ACOXL: variants seen among roughly 807,000 people sequenced by gnomAD.
ACOXL encodes the protein acyl-CoA oxidase like, also known as acyl-coenzyme A oxidase-like protein.
In ACOXL, 70 loss-of-function variants were observed where a neutral mutation model predicts 71.9. That is an observed-to-expected ratio of 0.97 (90% confidence interval 0.80 to 1.19). The LOEUF (loss-of-function observed/expected upper bound fraction) is 1.19, where lower values mean the gene tolerates loss of function less well. Among genes scored for constraint, ACOXL ranks in the 50% most tolerant of loss-of-function variants. The pLI is 0.00. For synonymous variants in ACOXL, 253 were observed against 281.6 expected (o/e 0.90, Z 1.02); for missense variants, 703 against 736.3 (o/e 0.95, Z 0.52).
chr2:111,057,899 G>C (rs1004086311), intron 16 of ACOXL, among the ~76,000 whole-genome samples: 8 of 152,228 alleles, frequency 5.3e-5, no homozygotes, highest in African/African-American at 1.9e-4. Flanking sequence ...TACAAATCCT[G>C]GTGTTCAGAA....
intron 11 of ACOXL, among the ~76,000 whole-genome samples, chr2:110,909,315 A>T (rs556736558): frequency 2.6e-5 from 4 of 152,264 alleles, no homozygotes; most frequent in African/African-American, 9.6e-5. Context: ...TGGTGGGGGT[A>T]CAGGGGAGGC....
chr2:110,772,271 A>G (rs1263687380), intron 2 of ACOXL, among the ~76,000 whole-genome samples: 1 of 152,160 alleles, frequency 6.6e-6, no homozygotes, highest in East Asian at 1.9e-4. Context: ...CTGTCTGCAC[A>G]ATAGAAGCAG....
intron 10 of ACOXL, among the ~76,000 whole-genome samples, chr2:110,847,445 G>T (rs1270485962): frequency 2.0e-5 from 3 of 152,150 alleles, no homozygotes; most frequent in South Asian, 2.1e-4. Flanking sequence ...TGAAAGTGGA[G>T]GATGAGAGCA....
intron 1 of ACOXL, among the ~76,000 whole-genome samples, chr2:110,757,391 T>C (rs184055897): frequency 6.6e-6 from 1 of 152,312 alleles, no homozygotes; most frequent in East Asian, 1.9e-4. Flanking sequence ...AATAGAATGA[T>C]TTATATTCCT....
At chr2:111,027,040 G>A (rs2065045147) in intron 14 of ACOXL, among the ~76,000 whole-genome samples, 1 of 151,998 alleles carries the variant, frequency 6.6e-6, no homozygotes, top group African/African-American at 2.4e-5. Flanking sequence ...GAAACTACAG[G>A]CACCCACCAT....
intron 9 of ACOXL, among the ~76,000 whole-genome samples, chr2:110,830,777 C>T (rs1225377996): frequency 6.6e-6 from 1 of 152,168 alleles, no homozygotes; most frequent in Non-Finnish European, 1.5e-5. Context: ...TTGTGATCCC[C>T]CCACCTCGGC....
At chr2:110,959,009 C>T (rs2061603325) in intron 12 of ACOXL, among the ~76,000 whole-genome samples, 1 of 152,238 alleles carries the variant, frequency 6.6e-6, no homozygotes, top group Non-Finnish European at 1.5e-5. Flanking sequence ...TGCACGGCCC[C>T]TCCAGGCAGA....
At chr2:110,963,251 A>G (rs1202127734) in intron 12 of ACOXL, among the ~76,000 whole-genome samples, 4 of 152,068 alleles carry the variant, frequency 2.6e-5, no homozygotes, top group Non-Finnish European at 4.4e-5. Flanking sequence ...GGGAGGCATC[A>G]TTTGCCTACA....
At chr2:110,756,288 G>A (rs1235417920) in intron 1 of ACOXL, among the ~76,000 whole-genome samples, 2 of 151,980 alleles carry the variant, frequency 1.3e-5, no homozygotes, top group African/African-American at 4.8e-5. Flanking sequence ...CACCACGCTC[G>A]GCTAATTTTT....
intron 13 of ACOXL, 108 bp downstream of exon 13, chr2:110,987,325 C>T (rs1208152331): frequency 1.0e-6 from 1 of 984,036 alleles, no homozygotes; most frequent in Non-Finnish European, 1.5e-6. Flanking sequence ...TTAGTGTTTG[C>T]TGTATGCAAG....
intron 11 of ACOXL, among the ~76,000 whole-genome samples, chr2:110,923,731 C>T (rs778910599): frequency 9.2e-5 from 14 of 152,108 alleles, no homozygotes; most frequent in Admixed American, 4.6e-4. Flanking sequence ...GCCAGGAGTT[C>T]GAGACCAGCC....
chr2:110,935,601 G>GC (rs1186300542), intron 12 of ACOXL, among the ~76,000 whole-genome samples: 1 of 152,148 alleles, frequency 6.6e-6, no homozygotes, highest in Admixed American at 6.5e-5. Context: ...TGGAATGCCA[G>GC]CCCCCCAGGC....
chr2:111,023,366 A>G (rs1436406258), intron 14 of ACOXL, among the ~76,000 whole-genome samples: 2 of 152,234 alleles, frequency 1.3e-5, no homozygotes, highest in African/African-American at 2.4e-5. Flanking sequence ...AGGTGGAAGC[A>G]GAAATGATGG....
intron 12 of ACOXL, among the ~76,000 whole-genome samples, chr2:110,977,718 C>G (rs932974112): frequency 1.9e-4 from 29 of 152,180 alleles, no homozygotes; most frequent in African/African-American, 6.5e-4. Flanking sequence ...AGGGAGCCTT[C>G]TGGATCAGGG....
chr2:110,738,326 G>A (rs1159399137), intron 1 of ACOXL, among the ~76,000 whole-genome samples: 1 of 152,120 alleles, frequency 6.6e-6, no homozygotes, highest in Non-Finnish European at 1.5e-5. Flanking sequence ...CGAGTTTTGG[G>A]TGCAGTCTTA....
chr2:110,800,134 A>T (rs923700558), intron 7 of ACOXL, among the ~76,000 whole-genome samples: 1 of 152,198 alleles, frequency 6.6e-6, no homozygotes, highest in Non-Finnish European at 1.5e-5. Context: ...TTCACTCTTC[A>T]CAATAAATCT....
At chr2:110,974,464 C>T (rs1017220363) in intron 12 of ACOXL, among the ~76,000 whole-genome samples, 16 of 152,178 alleles carry the variant, frequency 1.1e-4, no homozygotes, top group Admixed American at 9.8e-4. Flanking sequence ...TAATTATACC[C>T]TCCACCAAAT....
intron 10 of ACOXL, among the ~76,000 whole-genome samples, chr2:110,847,799 C>T (rs1253746190): frequency 6.6e-6 from 1 of 152,182 alleles, no homozygotes; most frequent in African/African-American, 2.4e-5. Context: ...TCGAACTGCT[C>T]ACAGTGTGAC....
At chr2:110,942,843 C>T (rs1261469713) in intron 12 of ACOXL, among the ~76,000 whole-genome samples, 1 of 149,290 alleles carries the variant, frequency 6.7e-6, no homozygotes, top group Non-Finnish European at 1.5e-5. Flanking sequence ...AAGATCATGC[C>T]ACTGGACTCC....
Sources: allele counts gnomAD v4.1 joint callset (sites outside exome capture counted in the v4.1 genomes callset), GRCh38; gene constraint gnomAD v4.1.1; transcripts MANE v1.5; gene names NCBI Gene and HGNC (gene_info 2026-07-23, HGNC 2026-07-21).